ST6GAL2: variants seen among roughly 807,000 people sequenced by gnomAD.
The protein encoded by ST6GAL2 is beta-galactoside alpha-2,6-sialyltransferase 2.
Under a neutral mutation model 37.5 loss-of-function variants are expected in ST6GAL2, and 24 were observed. The ratio of observed to expected loss-of-function variants is 0.64; its 90% CI spans 0.46 to 0.90. ST6GAL2 has a LOEUF of 0.90. ST6GAL2 is among the 40% of genes least tolerant of loss of function. The pLI is 0.00. For synonymous variants in ST6GAL2, 306 were observed against 295.1 expected (o/e 1.04, Z -0.38); for missense variants, 715 against 712.7 (o/e 1.00, Z -0.04).
chr2:106,829,621 T>A (rs762103795), intron 5 of ST6GAL2, among the ~76,000 whole-genome samples: 1 of 151,812 alleles, frequency 6.6e-6, no homozygotes, highest in East Asian at 1.9e-4. Flanking sequence ...CATAAAACCA[T>A]GAGAAAAATA....
intron 1 of ST6GAL2, among the ~76,000 whole-genome samples, chr2:106,859,431 T>C (rs1393312611): frequency 6.6e-6 from 1 of 152,222 alleles, no homozygotes; most frequent in Non-Finnish European, 1.5e-5. Context: ...CAATAAACTA[T>C]GTGATATCGC....
rs374874543 is a variant in ST6GAL2 at position 106,843,224 on chromosome 2, G to C, written c.754C>G (p.Leu252Val). ...REAGLSRAQL[L>V]CQLRSRARVR... ...CGCGCGCGGCTCCGCAGCTGGCACA[G>C]CAGCTGTGCCCTGCTCAGCCCGGCC... is the stretch of plus-strand genomic sequence containing the variant. Residue 252 changes from leucine (L) to valine (V), a missense_variant, in exon 2 of 6, where the codon CTG becomes GTG. Coordinates refer to ENST00000409382, the MANE Select transcript of ST6GAL2 (RefSeq NM_001142351.2). 1.3e-4 allele frequency: 201 copies of C among 1,569,290 alleles called. 1 individual carries two copies. Among genetic ancestry groups the C allele is most frequent in the Middle Eastern group, 1.0e-3 (6 of 5,920 alleles).
chr2:106,864,565 CT>C (rs1677945038), intron 1 of ST6GAL2, among the ~76,000 whole-genome samples: 1 of 152,292 alleles, frequency 6.6e-6, no homozygotes, highest in African/African-American at 2.4e-5. Context: ...TAACAAATAC[CT>C]GGATTCAGAT....
At position 106,843,275 on chromosome 2, in the gene ST6GAL2, CG is replaced by C; in HGVS notation, c.702del (p.His234GlnfsTer13). Reference sequence around the variant, plus strand: ...TCCCGCTTCCCGCGGAAGCGCACCCCGTGCTTGTTGGCGGTCAGGTAATCCT... The same window carrying C: ...TCCCGCTTCCCGCGGAAGCGCACCCCTGCTTGTTGGCGGTCAGGTAATCCT... ...AMKDYLTANKHGVRFRGKREA... is the reference protein window; with the variant it reads ...AMKDYLTANKXGVRFRGKREA... On this transcript the variant is annotated frameshift_variant, in exon 2 of 6. Coordinates refer to ENST00000409382, the MANE Select transcript of ST6GAL2 (RefSeq NM_001142351.2). LOFTEE classifies it high-confidence loss of function. 6.2e-7 allele frequency: 1 copy of C among 1,608,582 alleles called. No individual in the cohort carries two copies. The highest frequency in any genetic ancestry group is 8.5e-7 in the Non-Finnish European group (1 of 1,177,586).
rs965637403 is a variant in ST6GAL2, at chr2:106,802,342, T to C, written c.*4336A>G. 2.6e-5 allele frequency: 4 copies of C among 151,378 alleles called. No individual in the cohort carries two copies. Among genetic ancestry groups the C allele is most frequent in the South Asian group, 2.1e-4 (1 of 4,728 alleles). The allele number at this position is 151,378 out of a possible 1,614,324, so 9.4% of individuals were successfully genotyped here. ...GTGTAGATATGTATATACACAATTA[T>C]ATAACTATATCTACATGTACACTTT... On this transcript the variant is annotated 3_prime_UTR_variant, in exon 6 of 6. Coordinates refer to ENST00000409382, the MANE Select transcript of ST6GAL2 (RefSeq NM_001142351.2).
At chr2:106,818,502 G>T (rs1675887797) in intron 5 of ST6GAL2, among the ~76,000 whole-genome samples, 1 of 152,214 alleles carries the variant, frequency 6.6e-6, no homozygotes, top group African/African-American at 2.4e-5. Context: ...AAGGGCCACA[G>T]TGTTACTGGG....
Position 106,832,702 on chromosome 2 carries a change from G to A in ST6GAL2, c.1042-36C>T, listed in dbSNP as rs748742407. On this transcript the variant is annotated intron_variant, in intron 3 of 5. Transcript: ENST00000409382. ...ACAGAAAAACCATTTCAAAGCCAGG[G>A]TTTGGTTTTTAAAAATTGCATTTTA... 5 of 1,402,936 alleles carry A rather than the reference G, an allele frequency of 3.6e-6. No homozygotes were observed. The African/African-American group carries it at 5.7e-5, about 16-fold the overall frequency. 86.9% of individuals were successfully genotyped at this position (1,402,936 alleles called of 1,614,324 possible). A position where few individuals can be genotyped will look rare whatever the true frequency, so the allele number is the denominator to read the frequency against.
chr2:106,867,215 G>A (rs375818601), intron 1 of ST6GAL2, among the ~76,000 whole-genome samples: 2 of 152,086 alleles, frequency 1.3e-5, no homozygotes, highest in East Asian at 3.9e-4. Flanking sequence ...GTCACACAAC[G>A]TGGAAGCATC....
At chr2:106,885,399 A>C (rs1476324905) in intron 1 of ST6GAL2, among the ~76,000 whole-genome samples, 1 of 152,182 alleles carries the variant, frequency 6.6e-6, no homozygotes, top group African/African-American at 2.4e-5. Context: ...GACAAAACAA[A>C]TATGGTACTA....
chr2:106,821,586 A>G (rs1676005578), intron 5 of ST6GAL2, among the ~76,000 whole-genome samples: 1 of 151,982 alleles, frequency 6.6e-6, no homozygotes, highest in Non-Finnish European at 1.5e-5. Flanking sequence ...ATTTTACCAA[A>G]CATTTAAAGA....
At chr2:106,813,904 C>T (rs1675702304) in intron 5 of ST6GAL2, among the ~76,000 whole-genome samples, 4 of 152,124 alleles carry the variant, frequency 2.6e-5, no homozygotes. Flanking sequence ...ATTAAATATG[C>T]CAGACTAACA....
chr2:106,854,979 C>T (rs1202015022), intron 1 of ST6GAL2, among the ~76,000 whole-genome samples: 1 of 151,092 alleles, frequency 6.6e-6, no homozygotes, highest in African/African-American at 2.4e-5. Context: ...AAAAGTAACC[C>T]TGTCAGGGAC....
Position 106,829,418 on chromosome 2 carries a change from C to T in ST6GAL2, c.1318+648G>A, listed in dbSNP as rs28573793. 1.0e-3 allele frequency among the ~76,000 whole-genome samples: 153 copies of T among 152,314 alleles called. 1 individual carries two copies. Among genetic ancestry groups the T allele is most frequent in the African/African-American group, 3.5e-3 (147 of 41,564 alleles). ...TTTAAGAAGTCTAATTACTTTGAGA[C>T]CACCATGCAAGAAAGACTATGTGCA... is the stretch of plus-strand genomic sequence containing the variant. On this transcript the variant is annotated intron_variant, in intron 5 of 5. Coordinates refer to ENST00000409382, the MANE Select transcript of ST6GAL2 (RefSeq NM_001142351.2).
intron 1 of ST6GAL2, among the ~76,000 whole-genome samples, chr2:106,878,254 G>T (rs1678589713): frequency 6.6e-6 from 1 of 152,218 alleles, no homozygotes; most frequent in Non-Finnish European, 1.5e-5. Flanking sequence ...CTACAGACCA[G>T]AAGTTCAAGA....
rs1430200985 is a variant in ST6GAL2, at chr2:106,843,268, C to G, written c.710G>C (p.Arg237Pro). The G allele has an allele frequency of 6.2e-7, 1 of 1,604,700 alleles. No homozygotes were observed. The highest frequency in any genetic ancestry group is 1.3e-5 in the African/African-American group (1 of 74,794). Residue 237 changes from arginine to proline, a missense_variant, in exon 2 of 6, where the codon CGC becomes CCC. Arg to Pro is a moderately radical substitution (Grantham distance 103, BLOSUM62 -2). This residue lies in a region of ST6GAL2 where 512 missense variants were observed against 488.8 expected (regional missense o/e 1.05). Coordinates refer to ENST00000409382, the MANE Select transcript of ST6GAL2 (RefSeq NM_001142351.2). ...CCCGGCCTCCCGCTTCCCGCGGAAG[C>G]GCACCCCGTGCTTGTTGGCGGTCAG... ...DYLTANKHGV[R>P]FRGKREAGLS...
chr2:106,886,614 G>A (rs906801684), upstream of ST6GAL2: 3 of 151,848 alleles, frequency 2.0e-5, no homozygotes, highest in East Asian at 3.9e-4. Context: ...CCCGGGGAGA[G>A]GCGGCGGTTC....
At chr2:106,853,649 G>A (rs534255313) in intron 1 of ST6GAL2, among the ~76,000 whole-genome samples, 5 of 152,316 alleles carry the variant, frequency 3.3e-5, no homozygotes, top group South Asian at 2.1e-4. Context: ...GGACAAGGGT[G>A]AGCTGCTCTT....
intron 1 of ST6GAL2, among the ~76,000 whole-genome samples, chr2:106,852,452 G>A (rs1677407340): frequency 6.6e-6 from 1 of 152,218 alleles, no homozygotes; most frequent in Non-Finnish European, 1.5e-5. Flanking sequence ...TCCGGATAAT[G>A]TAAAATTCAG....
chr2:106,854,154 T>G (rs1056676021), intron 1 of ST6GAL2, among the ~76,000 whole-genome samples: 4 of 152,182 alleles, frequency 2.6e-5, no homozygotes, highest in African/African-American at 9.7e-5. Context: ...ACAAGGAGGC[T>G]TCTGTACCAG....
Sources: allele counts gnomAD v4.1 joint callset (sites outside exome capture counted in the v4.1 genomes callset), GRCh38; gene constraint gnomAD v4.1.1; regional missense constraint gnomAD v4.1.1; transcripts MANE v1.5; gene names NCBI Gene and HGNC (gene_info 2026-07-23, HGNC 2026-07-21).